PDS5A: variants seen among roughly 807,000 people sequenced by gnomAD.
The protein encoded by PDS5A is PDS5 cohesin associated factor A, also known as sister chromatid cohesion protein PDS5 homolog A.
Under a neutral mutation model 167.1 loss-of-function variants are expected in PDS5A, and 42 were observed. That is an observed-to-expected ratio of 0.25 (90% CI 0.20 to 0.33). PDS5A has a LOEUF of 0.33. Ranked by LOEUF, PDS5A falls within the 10% of genes least tolerant of loss-of-function variation. PDS5A has a pLI of 1.00. For synonymous variants in PDS5A, 553 were observed against 554.6 expected (o/e 1.00, Z 0.04); for missense variants, 1,033 against 1,605.9 (o/e 0.64, Z 6.10).
chr4:39,899,690 C>A (rs1391935072), intron 14 of PDS5A, among the ~76,000 whole-genome samples: 2 of 151,750 alleles, frequency 1.3e-5, no homozygotes, highest in East Asian at 3.9e-4. Context: ...CTACAAAAAA[C>A]ATACAAAACC....
chr4:39,884,155 C>T (rs1158876635), intron 17 of PDS5A, among the ~76,000 whole-genome samples: 1 of 151,568 alleles, frequency 6.6e-6, no homozygotes, highest in Non-Finnish European at 1.5e-5. Flanking sequence ...TCTCAAACTC[C>T]TGACCTCGTG....
intron 14 of PDS5A, 73 bp downstream of exon 14, chr4:39,900,353 C>T: frequency 2.3e-6 from 2 of 872,362 alleles, no homozygotes; most frequent in Admixed American, 2.2e-5. Context: ...TTCCCTGCTT[C>T]ATTACGTAGA....
At chr4:39,930,941 T>A (rs569251362) in intron 2 of PDS5A, among the ~76,000 whole-genome samples, 1 of 152,314 alleles carries the variant, frequency 6.6e-6, no homozygotes, top group African/African-American at 2.4e-5. Flanking sequence ...AAAGAAAGAA[T>A]GCAATCATCT....
intron 2 of PDS5A, among the ~76,000 whole-genome samples, chr4:39,943,620 C>T (rs1365877793): frequency 9.1e-6 from 1 of 109,804 alleles, no homozygotes. Context: ...CCCGTTTCTA[C>T]AAAAAAAAAA....
chr4:39,840,085 G>A (rs1472350233), intron 31 of PDS5A, among the ~76,000 whole-genome samples: 1 of 151,348 alleles, frequency 6.6e-6, no homozygotes, highest in Non-Finnish European at 1.5e-5. Flanking sequence ...CAGAGACTCC[G>A]TCTCAAAAAA....
At chr4:39,916,865 T>C (rs1285486239) in intron 8 of PDS5A, among the ~76,000 whole-genome samples, 183 bp downstream of exon 8, 1 of 151,252 alleles carries the variant, frequency 6.6e-6, no homozygotes, top group Non-Finnish European at 1.5e-5. Context: ...AAACTCCGTC[T>C]CAAAAAAAGA....
chr4:39,920,366 CT>C lies in PDS5A; in HGVS notation c.687del (p.Val230CysfsTer3). On this transcript the variant is annotated frameshift_variant, in exon 7 of 33. Coordinates refer to ENST00000303538, the MANE Select transcript of PDS5A (RefSeq NM_001100399.2). LOFTEE classifies it high-confidence loss of function. ...GTCTGGACTGTTCTTTTCAATAGCACTTTTGCAAGGTCAAAGGACTGTTTAT... is the reference window on the plus strand; with the variant it reads ...GTCTGGACTGTTCTTTTCAATAGCACTTTGCAAGGTCAAAGGACTGTTTAT... ...NLNKQSFDLA[K>X]VLLKRTVQTI... 6.4e-7 allele frequency: 1 copy of C among 1,555,614 alleles called. No homozygotes were observed. The highest frequency in any genetic ancestry group is 8.8e-7 in the Non-Finnish European group (1 of 1,130,726).
intron 21 of PDS5A, among the ~76,000 whole-genome samples, chr4:39,871,966 A>C (rs537933482): frequency 2.4e-4 from 36 of 152,052 alleles, no homozygotes; most frequent in Non-Finnish European, 4.4e-4. Flanking sequence ...TCGGCCCCTC[A>C]AAGTGCTAGG....
At chr4:39,870,103 C>T (rs1376518541) in intron 21 of PDS5A, among the ~76,000 whole-genome samples, 5 of 151,318 alleles carry the variant, frequency 3.3e-5, no homozygotes, top group African/African-American at 1.2e-4. Context: ...AGTGAGACTC[C>T]ATCTCAAAAA....
In PDS5A at chr4:39,904,022, C is replaced by T. The variant is rs950888536; in HGVS notation, c.1385+18G>A. On this transcript the variant is annotated intron_variant, in intron 12 of 32. Coordinates refer to ENST00000303538, the MANE Select transcript of PDS5A (RefSeq NM_001100399.2). ...AGTAGTTTTACACTCAACCATTCTA[C>T]CAACATATTAAACTCACTTGTCGTC... 5 of 1,524,210 alleles carry T rather than the reference C, an allele frequency of 3.3e-6. No individual in the cohort carries two copies. Among genetic ancestry groups the T allele is most frequent in the Non-Finnish European group, 4.4e-6 (5 of 1,127,408 alleles). 94.4% of individuals were successfully genotyped at this position (1,524,210 alleles called of 1,614,324 possible).
At chr4:39,948,194 G>A (rs1402750388) in intron 2 of PDS5A, among the ~76,000 whole-genome samples, 1 of 105,924 alleles carries the variant, frequency 9.4e-6, no homozygotes, top group African/African-American at 3.9e-5. Context: ...AGGCAACACA[G>A]CAAGATATCC....
chr4:39,923,216 T>G (rs1055055427), intron 5 of PDS5A, among the ~76,000 whole-genome samples: 12 of 151,552 alleles, frequency 7.9e-5, no homozygotes, highest in Admixed American at 7.2e-4. Flanking sequence ...GAATTCCAGT[T>G]TCTGGGGAGG....
chr4:39,882,976 A>G (rs36003581), intron 17 of PDS5A, among the ~76,000 whole-genome samples: 105,245 of 151,948 alleles, frequency 0.69, 38,198 homozygotes, highest in Middle Eastern at 0.86. Flanking sequence ...TAACAGAAGG[A>G]AGAGTAGTAA....
chr4:39,956,846 A>G (rs1169866612), intron 2 of PDS5A, among the ~76,000 whole-genome samples: 2 of 151,860 alleles, frequency 1.3e-5, no homozygotes, highest in African/African-American at 4.8e-5. Flanking sequence ...TAATTTTTGT[A>G]TTTTTTGTAG....
chr4:39,893,345 CGTCT>C (rs1257943276), intron 16 of PDS5A, among the ~76,000 whole-genome samples: 14 of 152,304 alleles, frequency 9.2e-5, no homozygotes, highest in Admixed American at 7.8e-4. Context: ...CACAAATACA[CGTCT>C]CTTTTGATAA....
At chr4:39,891,088 C>A (rs1721919806) in intron 16 of PDS5A, among the ~76,000 whole-genome samples, 1 of 151,426 alleles carries the variant, frequency 6.6e-6, no homozygotes, top group Admixed American at 6.6e-5. Context: ...GGCTGGAATG[C>A]AATGGTGCAA....
At chr4:39,949,723 G>A (rs1285074466) in intron 2 of PDS5A, among the ~76,000 whole-genome samples, 1 of 146,534 alleles carries the variant, frequency 6.8e-6, no homozygotes, top group Non-Finnish European at 1.5e-5. Flanking sequence ...CTACGCAGGA[G>A]GCTGGGGTGG....
chr4:39,825,959 TA>T (rs1424949219), intron 32 of PDS5A, among the ~76,000 whole-genome samples: 1 of 152,160 alleles, frequency 6.6e-6, no homozygotes, highest in Non-Finnish European at 1.5e-5. Context: ...AAACTTGGTT[TA>T]AAGAGCCTTT....
intron 30 of PDS5A, among the ~76,000 whole-genome samples, chr4:39,842,951 G>A (rs1016165696): frequency 7.0e-4 from 42 of 59,946 alleles, no homozygotes; most frequent in Admixed American, 1.7e-3. Context: ...TAAGAGACAG[G>A]GTCTTAGGCT....
Sources: allele counts gnomAD v4.1 joint callset (sites outside exome capture counted in the v4.1 genomes callset), GRCh38; gene constraint gnomAD v4.1.1; transcripts MANE v1.5; gene names NCBI Gene and HGNC (gene_info 2026-07-23, HGNC 2026-07-21).